DGKD: variants seen among roughly 807,000 people sequenced by gnomAD.
The protein encoded by DGKD is DAG kinase delta.
DGKD carries 68 observed loss-of-function variants against 154.4 expected under a neutral mutation model. The ratio of observed to expected loss-of-function variants is 0.44; its 90% CI spans 0.36 to 0.54. The LOEUF is 0.54. Ranked by LOEUF, DGKD falls within the 20% of genes least tolerant of loss-of-function variation. The pLI is 0.00. For missense variants in DGKD, 1,343 were observed against 1,593.6 expected, an observed-to-expected ratio of 0.84 and a Z score of 2.68; for synonymous variants, 693 against 638.0, an observed-to-expected ratio of 1.09 and a Z score of -1.30.
chr2:233,428,866 G>A (rs1221414149), intron 3 of DGKD, among the ~76,000 whole-genome samples: 1 of 145,554 alleles, frequency 6.9e-6, no homozygotes, highest in Non-Finnish European at 1.5e-5. Flanking sequence ...ACAAATAAGA[G>A]GTTTTTTTTT....
rs559238764 is a variant in DGKD, at chr2:233,435,658, C to T, written c.587-160C>T. 3.0e-3 allele frequency among the ~76,000 whole-genome samples: 460 copies of T among 152,354 alleles called. 4 individuals are homozygous for T. Among genetic ancestry groups the T allele is most frequent in the African/African-American group, 0.011 (443 of 41,586 alleles). On this transcript the variant is annotated intron_variant, in intron 5 of 29. Coordinates refer to ENST00000264057, the MANE Select transcript of DGKD (RefSeq NM_152879.3). ...CTGCCGCTGCCGGTCCCACCGCCAT[C>T]AGCCTCTAAGCGTATCACAGTAGTT...
intron 10 of DGKD, chr2:233,442,336 G>C (rs1400788621): frequency 7.1e-6 from 3 of 421,946 alleles, no homozygotes; most frequent in African/African-American, 6.1e-5. Flanking sequence ...TTGCTTGTGA[G>C]AAGGGGACGG....
chr2:233,358,161 C>G (rs1701614202), intron 1 of DGKD, among the ~76,000 whole-genome samples: 1 of 152,146 alleles, frequency 6.6e-6, no homozygotes. Flanking sequence ...AACTGCATAG[C>G]TAGAATGGAA....
intron 3 of DGKD, among the ~76,000 whole-genome samples, chr2:233,422,980 CT>C (rs2062168633): frequency 6.6e-6 from 1 of 152,194 alleles, no homozygotes; most frequent in Non-Finnish European, 1.5e-5. Flanking sequence ...ATAATTTGGT[CT>C]TTTCAAGATG....
intron 1 of DGKD, among the ~76,000 whole-genome samples, chr2:233,359,767 CA>C (rs1389097854): frequency 1.3e-5 from 2 of 152,058 alleles, no homozygotes; most frequent in Non-Finnish European, 2.9e-5. Context: ...TGCGAGGCAC[CA>C]GGGGTATCTT....
At chr2:233,406,578 G>A (rs1262318372) in intron 3 of DGKD, among the ~76,000 whole-genome samples, 1 of 152,220 alleles carries the variant, frequency 6.6e-6, no homozygotes, top group African/African-American at 2.4e-5. Flanking sequence ...CCTGGTAGGA[G>A]TTCATAACCA....
chr2:233,369,220 C>T (rs1702189947), intron 1 of DGKD, among the ~76,000 whole-genome samples: 1 of 152,138 alleles, frequency 6.6e-6, no homozygotes, highest in South Asian at 2.1e-4. Context: ...AGTATTTTTC[C>T]CTGTCCACTG....
chr2:233,422,470 C>G (rs2062153195), intron 3 of DGKD, among the ~76,000 whole-genome samples: 1 of 152,184 alleles, frequency 6.6e-6, no homozygotes, highest in Non-Finnish European at 1.5e-5. Flanking sequence ...GGCGGGGCAG[C>G]TGGCATTTCT....
At chr2:233,446,648 C>T (rs373701784) in intron 11 of DGKD, 64 bp from the exon 12 acceptor site, 97 of 1,545,206 alleles carry the variant, frequency 6.3e-5, no homozygotes, top group Admixed American at 2.3e-4. Flanking sequence ...AAGCGGACGG[C>T]GCAGGGTTCA....
chr2:233,436,256 G>A (rs2062690527), intron 6 of DGKD, 60 bp from the exon 7 acceptor site: 6 of 1,606,214 alleles, frequency 3.7e-6, no homozygotes, highest in Non-Finnish European at 5.1e-6. Flanking sequence ...AGCATTTCCT[G>A]GCTGCCCTGG....
At chr2:233,419,546 T>G in intron 3 of DGKD, 1 of 673,448 alleles carries the variant, frequency 1.5e-6, no homozygotes, top group Non-Finnish European at 1.8e-6. Flanking sequence ...GAGGGTTGCT[T>G]CTTGGCTTGT....
chr2:233,444,700 T>C (rs2063007455), intron 10 of DGKD, among the ~76,000 whole-genome samples: 1 of 149,366 alleles, frequency 6.7e-6, no homozygotes, highest in Admixed American at 6.7e-5. Context: ...CCTCCCCTAC[T>C]GCCAAATGTC....
intron 3 of DGKD, among the ~76,000 whole-genome samples, chr2:233,408,178 G>GACT (rs150910000): frequency 0.03 from 4,580 of 152,002 alleles, 224 homozygotes; most frequent in African/African-American, 0.11. Context: ...AAGTAGCTGG[G>GACT]ACTACAGGCA....
rs933716094 is a variant in DGKD, at chr2:233,440,508, C to T, written c.1086-1379C>T. On this transcript the variant is annotated intron_variant, in intron 9 of 29. Coordinates refer to ENST00000264057, the MANE Select transcript of DGKD (RefSeq NM_152879.3). This position sits in a 1 kb window ranked among gnomAD's most constrained non-coding sequence, Gnocchi z 4.9. ...TCTGGGAACCCGGTGGGGGCAGGGT[C>T]GCAAGTCAAACTGGGCGTCCTTCCA... Among the ~76,000 whole-genome samples, 29 of 152,144 alleles carry T rather than the reference C, an allele frequency of 1.9e-4. No individual in the cohort carries two copies. The highest frequency in any genetic ancestry group is 5.3e-4 in the African/African-American group (22 of 41,420).
At position 233,438,929 on chromosome 2, in the gene DGKD, G is replaced by A. The variant is rs969005340; in HGVS notation, c.1085+550G>A. On this transcript the variant is annotated intron_variant, in intron 9 of 29. Coordinates refer to ENST00000264057, the MANE Select transcript of DGKD (RefSeq NM_152879.3). This position sits in a 1 kb window ranked among gnomAD's most constrained non-coding sequence, Gnocchi z 4.1. ...TGTTTGCTGAGAGGCACAGGAGGCC[G>A]CTCGGTGTGCAGGTGCTGCAAGGCA... 9.9e-5 allele frequency among the ~76,000 whole-genome samples: 15 copies of A among 152,240 alleles called. No homozygotes were observed. Among genetic ancestry groups the A allele is most frequent in the African/African-American group, 3.1e-4 (13 of 41,460 alleles).
At chr2:233,448,219 T>C in intron 13 of DGKD, 38 bp downstream of exon 13, 1 of 1,614,006 alleles carries the variant, frequency 6.2e-7, no homozygotes, top group South Asian at 1.1e-5. Context: ...CATGGTGCCC[T>C]GGCCCCCAGC....
chr2:233,377,146 G>A (rs920620110), intron 1 of DGKD, among the ~76,000 whole-genome samples: 4 of 142,624 alleles, frequency 2.8e-5, no homozygotes, highest in African/African-American at 8.0e-5. Context: ...GCAATGGCAC[G>A]ATCTCGGCTC....
chr2:233,457,470 CAG>C lies in DGKD; in HGVS notation c.2580+143_2580+144del. 1 of 717,496 alleles carries C rather than the reference CAG, an allele frequency of 1.4e-6. No individual in the cohort carries two copies. Among genetic ancestry groups the C allele is most frequent in the South Asian group, 1.5e-5 (1 of 68,200 alleles). 44.4% of individuals were successfully genotyped at this position (717,496 alleles called of 1,614,324 possible). A position where few individuals can be genotyped will look rare whatever the true frequency, so the allele number is the denominator to read the frequency against. On this transcript the variant is annotated intron_variant, in intron 21 of 29. Coordinates refer to ENST00000264057, the MANE Select transcript of DGKD (RefSeq NM_152879.3). The surrounding 1 kb of genome is among the most constrained non-coding windows in gnomAD (Gnocchi z 5.5). ...GGGTTGCCGTGGAGAACAAGATAGA[CAG>C]GGTCCCCCACCCAGCTCATCGTCTA...
At chr2:233,456,105 C>G (rs971697316) in intron 19 of DGKD, among the ~76,000 whole-genome samples, 12 of 152,200 alleles carry the variant, frequency 7.9e-5, no homozygotes, top group African/African-American at 2.9e-4. Flanking sequence ...GTATTGAGAG[C>G]TTTGAAAAGT....
Sources: gnomAD v4.1 joint callset for allele counts (sites outside exome capture counted in the v4.1 genomes callset) on GRCh38, gnomAD v4.1.1 for gene constraint, Gnocchi (gnomAD v3.1) non-coding constraint, MANE v1.5 for transcripts, NCBI Gene and HGNC (gene_info 2026-07-23, HGNC 2026-07-21) for gene names.